Variants in RARB observed in about 807,000 individuals in gnomAD.
RARB encodes retinoic acid receptor beta.
RARB carries 17 observed loss-of-function variants against 51.9 expected under a neutral mutation model. The observed-to-expected ratio is 0.33, with a 90% CI of 0.22 to 0.49. RARB has a LOEUF of 0.49. Ranked by LOEUF, RARB falls within the 20% of genes least tolerant of loss-of-function variation. RARB has a pLI of 0.99. For synonymous variants in RARB, 215 were observed against 195.4 expected (o/e 1.10, Z -0.84); for missense variants, 369 against 550.8 (o/e 0.67, Z 3.30).
intron 2 of RARB, among the ~76,000 whole-genome samples, chr3:25,057,210 C>T (rs1423513472): frequency 3.3e-5 from 5 of 152,010 alleles, no homozygotes. Context: ...ACAAACCAGC[C>T]CGTGTTGGCA....
chr3:25,578,799 C>T (rs1701053140), intron 4 of RARB, among the ~76,000 whole-genome samples: 1 of 152,220 alleles, frequency 6.6e-6, no homozygotes, highest in Admixed American at 6.5e-5. Context: ...GCTTTCCATG[C>T]AGACGTTCAA....
intron 1 of RARB, among the ~76,000 whole-genome samples, chr3:24,857,320 G>A (rs1269100606): frequency 6.6e-6 from 1 of 152,062 alleles, no homozygotes; most frequent in African/African-American, 2.4e-5. Context: ...TCCAAGATTA[G>A]GTGCAACACG....
chr3:25,148,640 G>A (rs1016500074), intron 4 of RARB, among the ~76,000 whole-genome samples: 1 of 152,246 alleles, frequency 6.6e-6, no homozygotes, highest in Non-Finnish European at 1.5e-5. Flanking sequence ...ATTATTAAAG[G>A]TTCCTTACCT....
intron 3 of RARB, among the ~76,000 whole-genome samples, chr3:25,083,679 T>A (rs879871190): frequency 6.6e-6 from 1 of 152,186 alleles, no homozygotes; most frequent in African/African-American, 2.4e-5. Context: ...CAAGATTTTG[T>A]TTTCCAGTAA....
At chr3:25,388,831 C>G (rs2068682) in intron 5 of RARB, among the ~76,000 whole-genome samples, 2,412 of 152,024 alleles carry the variant, frequency 0.016, 70 homozygotes, top group African/African-American at 0.053. Context: ...TATCTTGTTT[C>G]TCAGTGAATT....
At chr3:25,253,941 C>T (rs538536886) in intron 5 of RARB, among the ~76,000 whole-genome samples, 3 of 152,250 alleles carry the variant, frequency 2.0e-5, no homozygotes, top group Admixed American at 1.3e-4. Context: ...CGGTAGGGAA[C>T]TGTGTCCTAA....
chr3:25,518,135 T>TAC (rs1170444301), intron 3 of RARB, among the ~76,000 whole-genome samples: 8 of 152,210 alleles, frequency 5.3e-5, no homozygotes, highest in Non-Finnish European at 4.4e-5. Context: ...ATTTGAATTG[T>TAC]ATCTTAATTT....
chr3:24,858,503 C>T (rs1289508231), intron 1 of RARB, among the ~76,000 whole-genome samples: 2 of 152,156 alleles, frequency 1.3e-5, no homozygotes, highest in African/African-American at 4.8e-5. Flanking sequence ...TTCAGTTTGG[C>T]TTAAGATTTA....
At chr3:25,332,074 A>G (rs929874491) in intron 5 of RARB, among the ~76,000 whole-genome samples, 3 of 152,224 alleles carry the variant, frequency 2.0e-5, no homozygotes, top group Non-Finnish European at 1.5e-5. Flanking sequence ...AGACGGATTC[A>G]CAGCCAAATT....
At chr3:25,315,505 T>A (rs886238635) in intron 5 of RARB, among the ~76,000 whole-genome samples, 2 of 152,164 alleles carry the variant, frequency 1.3e-5, no homozygotes, top group South Asian at 2.1e-4. Context: ...TCCACTTATC[T>A]TTTTACCTAA....
chr3:25,342,076 A>G (rs1705245954), intron 5 of RARB, among the ~76,000 whole-genome samples: 1 of 152,218 alleles, frequency 6.6e-6, no homozygotes, highest in Admixed American at 6.5e-5. Context: ...CTCAATAAAT[A>G]TTTACTGAAT....
chr3:25,493,780 G>A (rs1433780181), intron 2 of RARB, among the ~76,000 whole-genome samples: 6 of 152,140 alleles, frequency 3.9e-5, no homozygotes, highest in African/African-American at 1.4e-4. Context: ...TAAATATAGT[G>A]CCAAATTGCC....
chr3:25,450,369 T>C (rs1418709809), intron 1 of RARB, among the ~76,000 whole-genome samples: 1 of 152,190 alleles, frequency 6.6e-6, no homozygotes, highest in Non-Finnish European at 1.5e-5. Context: ...AAAGTGTAAA[T>C]CCTGCAATGT....
At chr3:24,854,830 C>T (rs1702611606) in intron 1 of RARB, among the ~76,000 whole-genome samples, 1 of 152,198 alleles carries the variant, frequency 6.6e-6, no homozygotes, top group Non-Finnish European at 1.5e-5. Flanking sequence ...GCAAAATCAT[C>T]CCTAGATGAG....
chr3:25,430,993 T>G (rs1708183844), intron 1 of RARB, among the ~76,000 whole-genome samples: 1 of 150,878 alleles, frequency 6.6e-6, no homozygotes, highest in Non-Finnish European at 1.5e-5. Context: ...TAAAACTTTT[T>G]TTTTTTTTTT....
At chr3:25,573,947 C>T (rs987836842) in intron 4 of RARB, among the ~76,000 whole-genome samples, 8 of 152,302 alleles carry the variant, frequency 5.3e-5, no homozygotes, top group Middle Eastern at 3.4e-3. Flanking sequence ...CCCACCACCC[C>T]CACCTCAGGC....
At chr3:24,889,004 T>C (rs551175779) in intron 2 of RARB, among the ~76,000 whole-genome samples, 1 of 152,310 alleles carries the variant, frequency 6.6e-6, no homozygotes, top group Admixed American at 6.5e-5. Context: ...TTTCCTTCTT[T>C]AATTGGATAA....
At chr3:25,034,090 GAGTCAAGAAT>G (rs1697933186) in intron 2 of RARB, among the ~76,000 whole-genome samples, 1 of 152,134 alleles carries the variant, frequency 6.6e-6, no homozygotes, top group South Asian at 2.1e-4. Context: ...CTCACAATGG[GAGTCAAGAAT>G]AGCTGTTTGG....
intron 5 of RARB, among the ~76,000 whole-genome samples, chr3:25,250,019 A>G (rs1225217121): frequency 7.7e-6 from 1 of 129,752 alleles, no homozygotes; most frequent in East Asian, 2.2e-4. Flanking sequence ...GGGCATCAGA[A>G]ATTGCTTGAT....
Sources: gnomAD v4.1 joint callset for allele counts (sites outside exome capture counted in the v4.1 genomes callset) on GRCh38, gnomAD v4.1.1 for gene constraint, MANE v1.5 for transcripts, NCBI Gene and HGNC (gene_info 2026-07-23, HGNC 2026-07-21) for gene names.